Variants in PRP4K observed in about 807,000 individuals in gnomAD.
The protein encoded by PRP4K is pre-mRNA processing factor kinase PRP4K, also known as serine/threonine-protein kinase PRP4 homolog.
the PRP4K span, chr6:4,050,440 A>G: frequency 7.6e-6 from 3 of 395,300 alleles, no homozygotes; most frequent in African/African-American, 2.0e-5. Context: ...GTATGCACCA[A>G]TAACAACTTA....
chr6:4,058,730 G>T, the PRP4K span: 1 of 1,612,226 alleles, frequency 6.2e-7, no homozygotes, highest in Non-Finnish European at 8.5e-7. Flanking sequence ...TTTTGTAGAT[G>T]ATTCGAAAAG....
chr6:4,024,392 G>C, the PRP4K span, among the ~76,000 whole-genome samples: 1 of 151,904 alleles, frequency 6.6e-6, no homozygotes, highest in Non-Finnish European at 1.5e-5. Context: ...TTACTTTCCT[G>C]GTAAATAGCA....
chr6:4,024,612 A>G, the PRP4K span, among the ~76,000 whole-genome samples: 2 of 151,980 alleles, frequency 1.3e-5, no homozygotes, highest in Non-Finnish European at 2.9e-5. Flanking sequence ...ATTGGTGACT[A>G]TTTTATTTTT....
the PRP4K span, among the ~76,000 whole-genome samples, chr6:4,048,579 GA>G: frequency 2.4e-4 from 36 of 151,976 alleles, no homozygotes; most frequent in Non-Finnish European, 4.9e-4. Context: ...TTTGTTTTGA[GA>G]TAGGGTCTCC....
chr6:4,023,236 T>A, the PRP4K span, among the ~76,000 whole-genome samples: 1 of 152,252 alleles, frequency 6.6e-6, no homozygotes, highest in Non-Finnish European at 1.5e-5. Flanking sequence ...AGTTTACAGT[T>A]ATATAGAATC....
the PRP4K span, chr6:4,050,005 A>G: frequency 9.0e-7 from 1 of 1,111,248 alleles, no homozygotes; most frequent in Non-Finnish European, 1.3e-6. Context: ...ATTATAAAGT[A>G]ATGGAAACAG....
the PRP4K span, among the ~76,000 whole-genome samples, chr6:4,037,763 C>T: frequency 1.3e-5 from 2 of 151,956 alleles, no homozygotes; most frequent in Non-Finnish European, 2.9e-5. Flanking sequence ...TTAAACAAAT[C>T]ATTGCTCATT....
chr6:4,044,137 C>A, the PRP4K span: 1 of 886,722 alleles, frequency 1.1e-6, no homozygotes, highest in South Asian at 1.7e-5. Context: ...AGACATGTTG[C>A]TTCTGCTGAA....
chr6:4,045,826 A>G, the PRP4K span, among the ~76,000 whole-genome samples: 3 of 152,198 alleles, frequency 2.0e-5, no homozygotes, highest in Non-Finnish European at 2.9e-5. Context: ...TCTGTATGGT[A>G]TGCCACAAAT....
chr6:4,045,613 T>C, the PRP4K span, among the ~76,000 whole-genome samples: 2 of 152,258 alleles, frequency 1.3e-5, no homozygotes, highest in African/African-American at 2.4e-5. Flanking sequence ...TATGATTTTA[T>C]ATTTCTATCT....
the PRP4K span, among the ~76,000 whole-genome samples, chr6:4,055,315 A>C: frequency 6.6e-6 from 1 of 152,264 alleles, no homozygotes; most frequent in Admixed American, 6.5e-5. Context: ...AAGTTTTAAA[A>C]TAACTTTTCT....
chr6:4,045,289 A>G, the PRP4K span, among the ~76,000 whole-genome samples: 1 of 152,332 alleles, frequency 6.6e-6, no homozygotes, highest in Non-Finnish European at 1.5e-5. Flanking sequence ...CAAATGTAAA[A>G]GTAGGCCATA....
At chr6:4,028,806 T>C in the PRP4K span, among the ~76,000 whole-genome samples, 3 of 152,098 alleles carry the variant, frequency 2.0e-5, no homozygotes, top group Non-Finnish European at 1.5e-5. Context: ...GTCAACTAAT[T>C]AGTAACTTCT....
chr6:4,056,561 A>G, the PRP4K span: 3 of 1,599,340 alleles, frequency 1.9e-6, no homozygotes, highest in Non-Finnish European at 2.5e-6. Flanking sequence ...GAAGGGAACC[A>G]TAGCAAGTTC....
At chr6:4,042,214 A>G in the PRP4K span, among the ~76,000 whole-genome samples, 39 of 152,356 alleles carry the variant, frequency 2.6e-4, no homozygotes, top group African/African-American at 9.1e-4. Context: ...GGTCATGGAA[A>G]AACTAGTGGC....
the PRP4K span, chr6:4,060,289 G>A: frequency 1.8e-5 from 15 of 835,184 alleles, no homozygotes; most frequent in Middle Eastern, 2.6e-4. This position sits in a 1 kb window ranked among gnomAD's most constrained non-coding sequence, Gnocchi z 4.7. Flanking sequence ...TGTGCACTGT[G>A]TGTATATATT....
At chr6:4,023,150 A>G in the PRP4K span, among the ~76,000 whole-genome samples, 6 of 152,252 alleles carry the variant, frequency 3.9e-5, no homozygotes. Flanking sequence ...ATTTGGTATG[A>G]AAGCAAACTA....
At chr6:4,023,207 T>A in the PRP4K span, among the ~76,000 whole-genome samples, 1 of 152,212 alleles carries the variant, frequency 6.6e-6, no homozygotes, top group South Asian at 2.1e-4. Context: ...CTACAACAGT[T>A]CTTTAGAGAA....
chr6:4,045,763 A>G, the PRP4K span, among the ~76,000 whole-genome samples: 1 of 152,228 alleles, frequency 6.6e-6, no homozygotes, highest in Non-Finnish European at 1.5e-5. Context: ...TTTTTAGGAT[A>G]CATTCTAAGT....
Sources: gnomAD v4.1 joint callset for allele counts (sites outside exome capture counted in the v4.1 genomes callset) on GRCh38, gnomAD v4.1.1 for gene constraint, Gnocchi (gnomAD v3.1) non-coding constraint, MANE v1.5 for transcripts, NCBI Gene and HGNC (gene_info 2026-07-23, HGNC 2026-07-21) for gene names.